LRCH3: variants seen among roughly 807,000 people sequenced by gnomAD.
LRCH3 encodes the protein leucine rich repeats and calponin homology domain containing 3.
LRCH3 carries 68 observed loss-of-function variants against 104.5 expected under a neutral mutation model. The observed-to-expected ratio is 0.65, with a 90% CI of 0.54 to 0.80. LRCH3 has a LOEUF of 0.80. Among genes scored for constraint, LRCH3 ranks in the 30% least tolerant of loss-of-function variants. LRCH3 has a pLI of 0.00. For synonymous variants in LRCH3, 344 were observed against 361.3 expected (o/e 0.95, Z 0.54); for missense variants, 951 against 953.9 (o/e 1.00, Z 0.04).
At chr3:197,815,082 T>C (rs774556805) in intron 2 of LRCH3, 30 bp downstream of exon 2, 2 of 1,362,142 alleles carry the variant, frequency 1.5e-6, no homozygotes, top group Non-Finnish European at 2.0e-6. Context: ...ATTTTAAATT[T>C]TTGGTTTTAT....
intron 19 of LRCH3, 96 bp downstream of exon 19, chr3:197,871,558 A>T: frequency 6.6e-7 from 1 of 1,526,230 alleles, no homozygotes; most frequent in Admixed American, 1.8e-5. Flanking sequence ...GATATTAAGG[A>T]TACAGATATA....
At position 197,791,595 on chromosome 3, in the gene LRCH3, C is replaced by T. The variant is rs1730512832; in HGVS notation, c.262+55C>T. The T allele has an allele frequency of 2.8e-5, 42 of 1,479,408 alleles. 1 individual carries two copies. The South Asian group carries it at 4.7e-4, about 17-fold the overall frequency. The allele number at this position is 1,479,408 out of a possible 1,614,324, so 91.6% of individuals were successfully genotyped here. A position where few individuals can be genotyped will look rare whatever the true frequency, so the allele number is the denominator to read the frequency against. ...TCGGAGACCCGGCGCCGGGAGCCGC[C>T]CCGGCCGGGGGAGGCGGATGCGGGG... On this transcript the variant is annotated intron_variant, in intron 1 of 20. Coordinates refer to ENST00000425562, the MANE Select transcript of LRCH3 (RefSeq NM_001365715.1).
chr3:197,876,702 A>G (rs972445106), intron 20 of LRCH3, among the ~76,000 whole-genome samples: 2 of 152,158 alleles, frequency 1.3e-5, no homozygotes, highest in Non-Finnish European at 2.9e-5. Flanking sequence ...ATTCTTCTCT[A>G]TCACCTTCTA....
At chr3:197,834,947 C>A (rs956842483) in intron 8 of LRCH3, among the ~76,000 whole-genome samples, 13 of 152,032 alleles carry the variant, frequency 8.6e-5, no homozygotes, top group Admixed American at 7.9e-4. Flanking sequence ...AGTTGGAGAC[C>A]AGCCTGGCCA....
intron 20 of LRCH3, among the ~76,000 whole-genome samples, chr3:197,880,102 C>T (rs571657164): frequency 1.1e-3 from 168 of 151,160 alleles, no homozygotes; most frequent in Non-Finnish European, 7.5e-4. Flanking sequence ...CCCGCCACCA[C>T]GCCCGGCTAA....
At chr3:197,858,996 A>C in intron 15 of LRCH3, 91 bp downstream of exon 15, 1 of 902,744 alleles carries the variant, frequency 1.1e-6, no homozygotes, top group Non-Finnish European at 1.9e-6. Context: ...TAACAATCTG[A>C]AATATAGGAT....
In LRCH3 at chr3:197,839,268, G is replaced by T. The variant is rs150000603; in HGVS notation, c.1252-53G>T. 9.6e-6 allele frequency: 11 copies of T among 1,140,692 alleles called. No individual in the cohort carries two copies. The African/African-American group carries it at 1.8e-4, about 18-fold the overall frequency. 70.7% of individuals were successfully genotyped at this position (1,140,692 alleles called of 1,614,324 possible). On this transcript the variant is annotated intron_variant, in intron 9 of 20. Transcript: ENST00000425562. ...CAAATTGGATGTGAACTGTGTAATC[G>T]CAGTGTTCTGGATTAATATACTAAA...
chr3:197,838,769 G>A (rs528957890), intron 9 of LRCH3, among the ~76,000 whole-genome samples: 125 of 152,066 alleles, frequency 8.2e-4, no homozygotes, highest in South Asian at 2.5e-3. Context: ...TTTTAAATAC[G>A]GTATTTTACC....
At chr3:197,825,572 C>T (rs1224383036) in intron 4 of LRCH3, among the ~76,000 whole-genome samples, 15 of 145,352 alleles carry the variant, frequency 1.0e-4, no homozygotes, top group African/African-American at 3.8e-4. Flanking sequence ...CTCCGCCTCC[C>T]GGGTTCACGC....
chr3:197,800,496 T>C (rs185529323), intron 1 of LRCH3, among the ~76,000 whole-genome samples: 8 of 152,218 alleles, frequency 5.3e-5, no homozygotes, highest in Non-Finnish European at 1.2e-4. Flanking sequence ...ACTTTACAAG[T>C]TGATGATTCC....
At chr3:197,869,851 G>A (rs1187924676) in intron 17 of LRCH3, among the ~76,000 whole-genome samples, 5 of 141,176 alleles carry the variant, frequency 3.5e-5, no homozygotes, top group Admixed American at 7.0e-5. Context: ...GGTAGAAAGC[G>A]ATACACTGTA....
intron 18 of LRCH3, among the ~76,000 whole-genome samples, chr3:197,870,510 C>T (rs1580883158): frequency 2.0e-5 from 3 of 152,090 alleles, no homozygotes; most frequent in Non-Finnish European, 4.4e-5. Context: ...GGATTACAGG[C>T]GCCCATCACT....
intron 5 of LRCH3, among the ~76,000 whole-genome samples, chr3:197,828,013 G>C (rs934120140): frequency 1.3e-5 from 2 of 149,710 alleles, no homozygotes; most frequent in African/African-American, 4.9e-5. Flanking sequence ...GGAGGTGGAG[G>C]CTGCAGTGAG....
chr3:197,864,457 A>C (rs1741225505), intron 15 of LRCH3, among the ~76,000 whole-genome samples: 1 of 148,970 alleles, frequency 6.7e-6, no homozygotes, highest in Non-Finnish European at 1.5e-5. Flanking sequence ...AAAATACAAA[A>C]AAATTAGCTG....
intron 8 of LRCH3, 24 bp downstream of exon 8, chr3:197,832,341 TAA>T (rs1165370843): frequency 3.7e-6 from 6 of 1,608,874 alleles, no homozygotes; most frequent in Non-Finnish European, 5.1e-6. Context: ...CGGTGACAGC[TAA>T]AGTGTTTGCA....
At position 197,810,284 on chromosome 3, in the gene LRCH3, G is replaced by A. The variant is rs1732976124; in HGVS notation, c.263-4624G>A. 6.6e-6 allele frequency among the ~76,000 whole-genome samples: 1 copy of A among 152,160 alleles called. No homozygotes were observed. The highest frequency in any genetic ancestry group is 2.1e-4 in the South Asian group (1 of 4,828). On this transcript the variant is annotated intron_variant, in intron 1 of 20. Coordinates refer to ENST00000425562, the MANE Select transcript of LRCH3 (RefSeq NM_001365715.1). The surrounding 1 kb of genome is among the most constrained non-coding windows in gnomAD (Gnocchi z 4.0). ...GGATTCTCCTGCCTCAGCCTCCTGAGTAGCTGAGATTACAGGTGCTCACGA... is the reference window on the plus strand; with the variant it reads ...GGATTCTCCTGCCTCAGCCTCCTGAATAGCTGAGATTACAGGTGCTCACGA...
At chr3:197,833,415 G>C (rs1296714509) in intron 8 of LRCH3, among the ~76,000 whole-genome samples, 1 of 130,028 alleles carries the variant, frequency 7.7e-6, no homozygotes, top group Non-Finnish European at 1.6e-5. Flanking sequence ...GCATATGCCT[G>C]TAATCCCAGC....
chr3:197,829,747 C>T, intron 6 of LRCH3, 74 bp downstream of exon 6: 2 of 1,042,528 alleles, frequency 1.9e-6, no homozygotes, highest in Admixed American at 2.5e-5. Flanking sequence ...CTTAAATTTG[C>T]CTGAATGTTT....
At position 197,823,759 on chromosome 3, in the gene LRCH3, C is replaced by T. The variant is rs143034065; in HGVS notation, c.641-3119C>T. Among the ~76,000 whole-genome samples, 1,033 of 152,262 alleles carry T rather than the reference C, an allele frequency of 6.8e-3. 9 individuals are homozygous for T. The highest frequency in any genetic ancestry group is 0.023 in the African/African-American group (975 of 41,556). On this transcript the variant is annotated intron_variant, in intron 4 of 20. Coordinates refer to ENST00000425562, the MANE Select transcript of LRCH3 (RefSeq NM_001365715.1). Reference sequence around the variant, plus strand: ...TCAGCCTCCCAAAGTGCTGAGATTACAGGCATGAGCCACAGTGCCCAGACT... The same window carrying T: ...TCAGCCTCCCAAAGTGCTGAGATTATAGGCATGAGCCACAGTGCCCAGACT...
Sources: gnomAD v4.1 joint callset for allele counts (sites outside exome capture counted in the v4.1 genomes callset) on GRCh38, gnomAD v4.1.1 for gene constraint, Gnocchi (gnomAD v3.1) non-coding constraint, MANE v1.5 for transcripts, NCBI Gene and HGNC (gene_info 2026-07-23, HGNC 2026-07-21) for gene names.